Variants in ARHGAP20 observed in about 807,000 individuals in gnomAD.
ARHGAP20 encodes the protein rho GTPase-activating protein 20.
ARHGAP20 carries 34 observed loss-of-function variants against 73.7 expected under a neutral mutation model. That is an observed-to-expected ratio of 0.46 (90% CI 0.35 to 0.61). The LOEUF is 0.61. Ranked by LOEUF, ARHGAP20 falls within the 20% of genes least tolerant of loss-of-function variation. The pLI is 0.00. For missense variants in ARHGAP20, 1,314 were observed against 1,420.9 expected (o/e 0.92, Z 1.21); for synonymous variants, 523 against 518.2 (o/e 1.01, Z -0.13).
chr11:110,633,716 G>A (rs1212512521), intron 2 of ARHGAP20, among the ~76,000 whole-genome samples: 1 of 152,146 alleles, frequency 6.6e-6, no homozygotes, highest in Non-Finnish European at 1.5e-5. Context: ...AGGAGCATCT[G>A]CACATTTTAG....
Position 110,583,748 on chromosome 11 carries a change from A to G in ARHGAP20, c.1416-11T>C. ...AGCTGGTCTAATAGCCTAAAGACAG[A>G]AAAATTACTCTTTAAGCAAGACATT... On this transcript the variant is annotated splice_polypyrimidine_tract_variant and intron_variant, in intron 12 of 14. Transcript: ENST00000683387. The G allele has an allele frequency of 3.3e-6, 5 of 1,535,788 alleles. No homozygotes were observed. The highest frequency in any genetic ancestry group is 4.4e-6 in the Non-Finnish European group (5 of 1,136,806).
At chr11:110,588,100 GATA>G (rs1355684382) in intron 11 of ARHGAP20, among the ~76,000 whole-genome samples, 7 of 152,136 alleles carry the variant, frequency 4.6e-5, no homozygotes, top group Admixed American at 3.3e-4. Flanking sequence ...ACACTTGAAA[GATA>G]ATAACTCGTA....
rs1255130562 is a variant in ARHGAP20, at chr11:110,577,541, C to G, written c.*1829G>C. ...CGTTAAGAGCTTCATTCACATCTTGCAGTTCTGACTGACAGTAGTATGCCC... is the reference window on the plus strand; with the variant it reads ...CGTTAAGAGCTTCATTCACATCTTGGAGTTCTGACTGACAGTAGTATGCCC... On this transcript the variant is annotated 3_prime_UTR_variant, in exon 15 of 15. Coordinates refer to ENST00000683387, the MANE Select transcript of ARHGAP20 (RefSeq NM_001384657.1). 2 of 992,338 alleles carry G rather than the reference C, an allele frequency of 2.0e-6. No individual in the cohort carries two copies. Among genetic ancestry groups the G allele is most frequent in the Non-Finnish European group, 2.4e-6 (2 of 834,954 alleles). The allele number at this position is 992,338 out of a possible 1,614,324, so 61.5% of individuals were successfully genotyped here.
At chr11:110,585,099 ATGAATATATG>A (rs1200666300) in intron 12 of ARHGAP20, among the ~76,000 whole-genome samples, 2 of 150,006 alleles carry the variant, frequency 1.3e-5, no homozygotes, top group South Asian at 4.2e-4. Flanking sequence ...ATGTGAATAT[ATGAATATATG>A]TGAATATATA....
chr11:110,584,787 T>C (rs1385542331), intron 12 of ARHGAP20, among the ~76,000 whole-genome samples: 1 of 151,950 alleles, frequency 6.6e-6, no homozygotes, highest in Admixed American at 6.6e-5. Context: ...CCTGCCCTGA[T>C]AGAAGAGGTC....
chr11:110,654,193 C>G (rs996323554), intron 2 of ARHGAP20, among the ~76,000 whole-genome samples: 1 of 152,052 alleles, frequency 6.6e-6, no homozygotes, highest in African/African-American at 2.4e-5. Context: ...CACATGTACT[C>G]TGGAACTTAA....
chr11:110,577,123 C>CCAAA lies in ARHGAP20; in HGVS notation c.*2243_*2246dup, dbSNP rs1287320249. 8 of 1,534,052 alleles carry CCAAA rather than the reference C, an allele frequency of 5.2e-6. No individual in the cohort carries two copies. The African/African-American group carries it at 5.5e-5, about 11-fold the overall frequency. On this transcript the variant is annotated 3_prime_UTR_variant, in exon 15 of 15. Transcript: ENST00000683387. ...ATATCCATTATCAGTGCCTTGAAAA[C>CCAAA]CAAACAACTTTAAAAGTTAGCAGCA... is the stretch of plus-strand genomic sequence containing the variant.
intron 1 of ARHGAP20, among the ~76,000 whole-genome samples, chr11:110,703,912 C>T (rs1381751229): frequency 1.3e-5 from 2 of 152,128 alleles, no homozygotes; most frequent in East Asian, 3.9e-4. Context: ...TTTGTACAAC[C>T]ATAACACTCT....
intron 2 of ARHGAP20, among the ~76,000 whole-genome samples, chr11:110,652,647 G>A (rs562130643): frequency 6.6e-6 from 1 of 152,036 alleles, no homozygotes; most frequent in African/African-American, 2.4e-5. Context: ...TCGCTACAAA[G>A]AGAATAAAAT....
At chr11:110,627,136 T>G (rs950068539) in intron 3 of ARHGAP20, among the ~76,000 whole-genome samples, 5 of 152,164 alleles carry the variant, frequency 3.3e-5, no homozygotes, top group Non-Finnish European at 4.4e-5. Context: ...TCACCCAGGC[T>G]GGAGTGCATT....
intron 9 of ARHGAP20, among the ~76,000 whole-genome samples, chr11:110,605,756 T>G (rs1027087127): frequency 3.9e-5 from 6 of 152,230 alleles, no homozygotes; most frequent in African/African-American, 1.2e-4. Flanking sequence ...CTCAGTGATC[T>G]CTCAAGGTCT....
intron 2 of ARHGAP20, among the ~76,000 whole-genome samples, chr11:110,648,482 G>C (rs554928843): frequency 7.5e-6 from 1 of 133,170 alleles, no homozygotes; most frequent in South Asian, 2.8e-4. Flanking sequence ...ACCATAACAT[G>C]AATTTTTTTT....
chr11:110,582,381 C>T lies in ARHGAP20; in HGVS notation c.1660G>A (p.Glu554Lys). The T allele has an allele frequency of 6.2e-7, 1 of 1,614,044 alleles. No individual in the cohort carries two copies. The highest frequency in any genetic ancestry group is 1.1e-5 in the South Asian group (1 of 91,068). Reference sequence around the variant, plus strand: ...ACCTCTCTGAAGAGGGAAGTGATTTCTTCTCCAAATATCCTAAGGCAATTC... The same window carrying T: ...ACCTCTCTGAAGAGGGAAGTGATTTTTTCTCCAAATATCCTAAGGCAATTC... ...IENCLRIFGE[E>K]ITSLFREVSV... Residue 554 changes from glutamate (E) to lysine (K), a missense_variant, in exon 14 of 15, where the codon GAA (glutamate) becomes AAA (lysine). Transcript: ENST00000683387.
At chr11:110,625,062 G>T (rs1030694149) in intron 3 of ARHGAP20, among the ~76,000 whole-genome samples, 3 of 138,638 alleles carry the variant, frequency 2.2e-5, no homozygotes, top group African/African-American at 5.3e-5. Context: ...ACGGAGTCTC[G>T]CTCTGTCGCC....
At position 110,614,655 on chromosome 11, in the gene ARHGAP20, T is replaced by C; in HGVS notation, c.546-10A>G. On this transcript the variant is annotated splice_polypyrimidine_tract_variant and intron_variant, in intron 5 of 14. Coordinates refer to ENST00000683387, the MANE Select transcript of ARHGAP20 (RefSeq NM_001384657.1). ...CTCTAGATTGATGTATCTAATCAAA[T>C]GCAACAGCAACCCAAAACAACACTG... 1 of 1,580,684 alleles carries C rather than the reference T, an allele frequency of 6.3e-7. No individual in the cohort carries two copies.
At chr11:110,705,012 A>G (rs1002574837) in intron 1 of ARHGAP20, among the ~76,000 whole-genome samples, 3 of 152,076 alleles carry the variant, frequency 2.0e-5, no homozygotes, top group Non-Finnish European at 4.4e-5. Flanking sequence ...TTATATACCT[A>G]TTTTTGTGAC....
chr11:110,633,360 C>G (rs1948898287), intron 2 of ARHGAP20, among the ~76,000 whole-genome samples: 1 of 152,148 alleles, frequency 6.6e-6, no homozygotes, highest in Admixed American at 6.5e-5. Context: ...TTTCCAGGCT[C>G]TCTATTCTGT....
At chr11:110,657,329 G>A (rs563857782) in intron 2 of ARHGAP20, among the ~76,000 whole-genome samples, 1 of 152,184 alleles carries the variant, frequency 6.6e-6, no homozygotes, top group African/African-American at 2.4e-5. Flanking sequence ...ACTAAACCTG[G>A]CTATGAGGTA....
intron 2 of ARHGAP20, among the ~76,000 whole-genome samples, chr11:110,686,450 A>C (rs1950133552): frequency 6.6e-6 from 1 of 152,164 alleles, no homozygotes; most frequent in South Asian, 2.1e-4. Context: ...CTGGGGATGG[A>C]GTAGAGAATT....
Sources: allele counts gnomAD v4.1 joint callset (sites outside exome capture counted in the v4.1 genomes callset), GRCh38; gene constraint gnomAD v4.1.1; transcripts MANE v1.5; gene names NCBI Gene and HGNC (gene_info 2026-07-23, HGNC 2026-07-21).